Variants in SHANK2 observed in about 807,000 individuals in gnomAD.
The protein encoded by SHANK2 is SH3 and multiple ankyrin repeat domains 2.
A neutral mutation model predicts 133.7 loss-of-function variants in SHANK2; 43 were observed. That is an observed-to-expected ratio of 0.32 (90% confidence interval 0.25 to 0.41). The LOEUF is 0.41. Ranked by LOEUF, SHANK2 falls within the 10% of genes least tolerant of loss-of-function variation. The pLI is 1.00. For synonymous variants in SHANK2, 1,017 were observed against 952.8 expected (o/e 1.07, Z -1.24); for missense variants, 1,994 against 2,235.8 (o/e 0.89, Z 2.18).
At chr11:70,516,282 T>C (rs1332197167) in intron 17 of SHANK2, among the ~76,000 whole-genome samples, 1 of 152,116 alleles carries the variant, frequency 6.6e-6, no homozygotes, top group Non-Finnish European at 1.5e-5. Context: ...AACAGACAAA[T>C]AGACCAATGA....
intron 10 of SHANK2, chr11:70,907,955 G>A (rs1035157746): frequency 2.0e-5 from 9 of 448,782 alleles, no homozygotes; most frequent in Non-Finnish European, 2.7e-5. Flanking sequence ...ACAAAAACTA[G>A]CCAGGCATGG....
chr11:70,553,960 AG>A (rs1483024578), intron 17 of SHANK2, among the ~76,000 whole-genome samples: 3 of 152,372 alleles, frequency 2.0e-5, no homozygotes, highest in South Asian at 2.1e-4. Flanking sequence ...CCTGGTGGAC[AG>A]GAAGTCAGCA....
chr11:70,813,017 CAGTT>C (rs1948311071), intron 12 of SHANK2, among the ~76,000 whole-genome samples: 1 of 152,094 alleles, frequency 6.6e-6, no homozygotes, highest in Admixed American at 6.6e-5. Flanking sequence ...ATTCACCAGT[CAGTT>C]ACACATTCAT....
intron 17 of SHANK2, among the ~76,000 whole-genome samples, chr11:70,562,335 G>A (rs1290525521): frequency 3.3e-5 from 5 of 152,132 alleles, no homozygotes; most frequent in South Asian, 4.1e-4. Context: ...CCTATATCCC[G>A]GCTGACTTTC....
At chr11:71,171,788 C>T (rs1270819733) in intron 2 of SHANK2, among the ~76,000 whole-genome samples, 4 of 152,242 alleles carry the variant, frequency 2.6e-5, no homozygotes, top group Non-Finnish European at 4.4e-5. Context: ...AAGATCACCC[C>T]TCAGGGCACT....
At chr11:70,592,691 C>T (rs2060341109) in intron 17 of SHANK2, among the ~76,000 whole-genome samples, 1 of 152,158 alleles carries the variant, frequency 6.6e-6, no homozygotes, top group South Asian at 2.1e-4. Context: ...GGCCAACTCC[C>T]TCCTCCAGCC....
At chr11:70,742,946 C>T (rs1946560243) in intron 14 of SHANK2, among the ~76,000 whole-genome samples, 1 of 152,242 alleles carries the variant, frequency 6.6e-6, no homozygotes, top group Non-Finnish European at 1.5e-5. Context: ...CGGCTCCTGG[C>T]CTGGCGTCCT....
At position 71,113,287 on chromosome 11, in the gene SHANK2, G is replaced by T. The variant is rs782465377; in HGVS notation, c.483+6C>A. ...ACGTGTAAATAACAGCCCGTTCCCT[G>T]CATACCTTCGTGTGGAGCTTGGCCA... On this transcript the variant is annotated splice_donor_region_variant and intron_variant, in intron 5 of 25. Coordinates refer to ENST00000601538, the MANE Select transcript of SHANK2 (RefSeq NM_012309.5). 13 of 1,551,344 alleles carry T rather than the reference G, an allele frequency of 8.4e-6. No individual in the cohort carries two copies. The highest frequency in any genetic ancestry group is 1.1e-5 in the Non-Finnish European group (13 of 1,146,744).
chr11:71,077,443 C>T (rs1050478936), intron 8 of SHANK2, among the ~76,000 whole-genome samples: 35 of 152,282 alleles, frequency 2.3e-4, no homozygotes, highest in African/African-American at 7.5e-4. Context: ...CCGCTGACTC[C>T]GGGTGGATGT....
intron 10 of SHANK2, among the ~76,000 whole-genome samples, chr11:70,904,889 C>T (rs11237929): frequency 0.27 from 41,376 of 152,162 alleles, 7,189 homozygotes; most frequent in African/African-American, 0.49. Context: ...TGACTTGCCC[C>T]TCCTTGCCTT....
chr11:70,707,410 TAGA>T (rs1408255809), intron 14 of SHANK2, among the ~76,000 whole-genome samples: 10 of 127,958 alleles, frequency 7.8e-5, no homozygotes, highest in Non-Finnish European at 1.3e-4. Flanking sequence ...GAGAGAGAGA[TAGA>T]AGGTGAGAGG....
intron 17 of SHANK2, among the ~76,000 whole-genome samples, chr11:70,525,433 C>G (rs1554971944): frequency 6.6e-6 from 1 of 152,154 alleles, no homozygotes; most frequent in Non-Finnish European, 1.5e-5. Context: ...TCTGTGAACC[C>G]CAGCCAGCAG....
intron 13 of SHANK2, among the ~76,000 whole-genome samples, chr11:70,805,746 C>T (rs1273064615): frequency 6.6e-6 from 1 of 152,106 alleles, no homozygotes; most frequent in Non-Finnish European, 1.5e-5. Context: ...ACAATAAAAA[C>T]AGATAAACAG....
intron 2 of SHANK2, among the ~76,000 whole-genome samples, chr11:71,174,011 T>C (rs542310055): frequency 3.4e-4 from 52 of 152,378 alleles, no homozygotes; most frequent in South Asian, 2.9e-3. Context: ...GAGCCACTAG[T>C]TTGCTTCCAT....
intron 17 of SHANK2, among the ~76,000 whole-genome samples, chr11:70,527,656 G>C (rs1209414695): frequency 6.6e-6 from 1 of 152,230 alleles, no homozygotes; most frequent in Non-Finnish European, 1.5e-5. Context: ...GGGGCCCTGA[G>C]GCCGGGCCCC....
chr11:70,868,556 G>T (rs1420154528), intron 11 of SHANK2, among the ~76,000 whole-genome samples: 6 of 152,176 alleles, frequency 3.9e-5, no homozygotes, highest in Non-Finnish European at 8.8e-5. Context: ...GCCTGTGAAG[G>T]GCAGAGTCAA....
At chr11:70,537,061 C>T (rs1307418090) in intron 17 of SHANK2, among the ~76,000 whole-genome samples, 1 of 152,168 alleles carries the variant, frequency 6.6e-6, no homozygotes, top group African/African-American at 2.4e-5. Flanking sequence ...GGTGGGGGCA[C>T]GGTCTGCCCA....
rs1008151408 is a variant in SHANK2, at chr11:70,490,448, G to C, written c.2440-61C>G. ...TGGCCAGCCCCCACCCACGGTCACA[G>C]GGCCCAGAGACCACAAGGGAACTTC... is the stretch of plus-strand genomic sequence containing the variant. On this transcript the variant is annotated intron_variant, in intron 22 of 25. Transcript: ENST00000601538. 3.8e-5 allele frequency: 53 copies of C among 1,403,140 alleles called. No individual in the cohort carries two copies. In the Middle Eastern group the frequency reaches 5.3e-4, roughly 14 times the overall value. 86.9% of individuals were successfully genotyped at this position (1,403,140 alleles called of 1,614,324 possible).
At chr11:71,139,517 A>G (rs1952512612) in intron 3 of SHANK2, among the ~76,000 whole-genome samples, 1 of 151,954 alleles carries the variant, frequency 6.6e-6, no homozygotes, top group African/African-American at 2.4e-5. Context: ...ATAAAATAAA[A>G]TAAATAAATA....
Sources: gnomAD v4.1 joint callset for allele counts (sites outside exome capture counted in the v4.1 genomes callset) on GRCh38, gnomAD v4.1.1 for gene constraint, MANE v1.5 for transcripts, NCBI Gene and HGNC (gene_info 2026-07-23, HGNC 2026-07-21) for gene names.